The following POU2F1 variants were observed in gnomAD, a reference collection of about 807,000 sequenced individuals.
The protein encoded by POU2F1 is POU class 2 homeobox 1, also known as POU domain, class 2, transcription factor 1.
Under a neutral mutation model 84.9 loss-of-function variants are expected in POU2F1, and 16 were observed. The observed-to-expected ratio is 0.19, with a 90% CI of 0.13 to 0.29. The LOEUF is 0.29. Ranked by LOEUF, POU2F1 falls within the 10% of genes least tolerant of loss-of-function variation. The pLI, the probability that POU2F1 is intolerant of heterozygous loss-of-function variation, is 1.00. For missense variants in POU2F1, 738 were observed against 942.6 expected, an observed-to-expected ratio of 0.78 and a Z score of 2.84; for synonymous variants, 368 against 368.3, an observed-to-expected ratio of 1.00 and a Z score of 0.01.
chr1:167,329,014 A>G, intron 1 of POU2F1: 1 of 1,087,894 alleles, frequency 9.2e-7, no homozygotes, highest in South Asian at 3.5e-5. Flanking sequence ...TTGCCTTGAC[A>G]ATGTCAGTCC....
rs1471276545 is a variant in POU2F1, at chr1:167,422,661, T to G, written c.*6851T>G. The G allele has an allele frequency of 3.9e-5, 6 of 152,180 alleles. No homozygotes were observed. The highest frequency in any genetic ancestry group is 5.9e-5 in the Non-Finnish European group (4 of 68,026). 9.4% of individuals were successfully genotyped at this position (152,180 alleles called of 1,614,324 possible). On this transcript the variant is annotated 3_prime_UTR_variant, in exon 16 of 16. Coordinates refer to ENST00000367866, the MANE Select transcript of POU2F1 (RefSeq NM_002697.4). Reference sequence around the variant, plus strand: ...TCTGGGACAAACTTTCTTGGCTCCCTGAGTTCGGATATAGACTGTATCTCT... The same window carrying G: ...TCTGGGACAAACTTTCTTGGCTCCCGGAGTTCGGATATAGACTGTATCTCT...
intron 1 of POU2F1, among the ~76,000 whole-genome samples, chr1:167,331,155 A>G (rs1657058663): frequency 6.6e-6 from 1 of 152,120 alleles, no homozygotes. Flanking sequence ...TTTGAACATT[A>G]GAAGACCAAA....
intron 2 of POU2F1, among the ~76,000 whole-genome samples, chr1:167,343,763 T>C (rs1000150471): frequency 6.9e-6 from 1 of 145,556 alleles, no homozygotes; most frequent in African/African-American, 2.5e-5. Context: ...TAGCATTCTC[T>C]GAGTAGGAAC....
intron 1 of POU2F1, among the ~76,000 whole-genome samples, chr1:167,227,369 T>A (rs1346744617): frequency 6.6e-6 from 1 of 152,182 alleles, no homozygotes; most frequent in Non-Finnish European, 1.5e-5. Context: ...TCTGTTGAAC[T>A]TTCTCTTTGC....
intron 2 of POU2F1, among the ~76,000 whole-genome samples, chr1:167,356,852 A>G (rs998556126): frequency 4.6e-5 from 7 of 152,126 alleles, no homozygotes; most frequent in African/African-American, 1.7e-4. Flanking sequence ...GGCTGCCCAC[A>G]TGTGTAGTGC....
intron 1 of POU2F1, among the ~76,000 whole-genome samples, chr1:167,266,697 C>G (rs1316595535): frequency 2.0e-5 from 3 of 148,728 alleles, no homozygotes; most frequent in East Asian, 4.0e-4. Context: ...GATCTTGGCT[C>G]ACTGCAATCT....
chr1:167,260,702 T>A (rs1395481006), intron 1 of POU2F1, among the ~76,000 whole-genome samples: 2 of 152,194 alleles, frequency 1.3e-5, no homozygotes, highest in Non-Finnish European at 2.9e-5. Flanking sequence ...GCTAATTTCC[T>A]GTATAGGAAA....
intron 7 of POU2F1, among the ~76,000 whole-genome samples, chr1:167,378,843 C>T (rs557830944): frequency 3.3e-5 from 5 of 152,118 alleles, no homozygotes; most frequent in East Asian, 3.9e-4. Flanking sequence ...ACCTCTGCCT[C>T]GCGAGTTCAA....
intron 1 of POU2F1, among the ~76,000 whole-genome samples, chr1:167,266,899 G>A (rs1375618878): frequency 6.6e-6 from 1 of 152,010 alleles, no homozygotes; most frequent in Non-Finnish European, 1.5e-5. Context: ...TGGGATTACC[G>A]GCGTGAGACA....
At chr1:167,314,566 C>T (rs1224076983) in intron 1 of POU2F1, among the ~76,000 whole-genome samples, 4 of 152,152 alleles carry the variant, frequency 2.6e-5, no homozygotes, top group Non-Finnish European at 4.4e-5. Context: ...GGCTTGAGCC[C>T]AGGAGATCCA....
intron 2 of POU2F1, among the ~76,000 whole-genome samples, chr1:167,356,738 A>G (rs1658961959): frequency 6.6e-6 from 1 of 152,192 alleles, no homozygotes; most frequent in African/African-American, 2.4e-5. Context: ...AGGAAAGTAC[A>G]CTTAGAAGAG....
At chr1:167,306,878 G>T (rs1655104232) in intron 1 of POU2F1, among the ~76,000 whole-genome samples, 1 of 152,114 alleles carries the variant, frequency 6.6e-6, no homozygotes, top group Non-Finnish European at 1.5e-5. Context: ...GTATTTACAG[G>T]TATAAAGGGT....
intron 1 of POU2F1, among the ~76,000 whole-genome samples, chr1:167,298,461 T>G (rs1654437936): frequency 6.6e-6 from 1 of 152,130 alleles, no homozygotes; most frequent in South Asian, 2.1e-4. Flanking sequence ...TTTTTTCTGT[T>G]TCCTGCTCTG....
At chr1:167,408,541 G>T (rs1014691300) in intron 13 of POU2F1, among the ~76,000 whole-genome samples, 1 of 152,166 alleles carries the variant, frequency 6.6e-6, no homozygotes, top group African/African-American at 2.4e-5. Context: ...AATTAATGAG[G>T]TGTTGATTCG....
At chr1:167,251,068 A>G (rs1345164588) in intron 1 of POU2F1, among the ~76,000 whole-genome samples, 1 of 152,224 alleles carries the variant, frequency 6.6e-6, no homozygotes, top group African/African-American at 2.4e-5. Flanking sequence ...TTATAAGAAC[A>G]TCTCATATGA....
chr1:167,312,211 C>T (rs1352629619), intron 1 of POU2F1, among the ~76,000 whole-genome samples: 6 of 151,128 alleles, frequency 4.0e-5, no homozygotes, highest in Non-Finnish European at 7.4e-5. Flanking sequence ...GCTGGGATTA[C>T]AGGCGTGAGC....
intron 1 of POU2F1, among the ~76,000 whole-genome samples, chr1:167,249,537 G>C (rs1160073641): frequency 6.6e-6 from 1 of 152,194 alleles, no homozygotes; most frequent in Non-Finnish European, 1.5e-5. Flanking sequence ...GGGAGCAAGG[G>C]AGTGGAAAGT....
At chr1:167,394,083 A>G (rs1314728247) in intron 9 of POU2F1, among the ~76,000 whole-genome samples, 1 of 151,876 alleles carries the variant, frequency 6.6e-6, no homozygotes, top group Non-Finnish European at 1.5e-5. Flanking sequence ...CAGTGGCATG[A>G]TCTCGGCTCA....
In POU2F1 at chr1:167,421,557, C is replaced by A. The variant is rs1650652214; in HGVS notation, c.*5747C>A. The A allele has an allele frequency of 6.6e-6, 1 of 152,032 alleles. No individual in the cohort carries two copies. The allele number at this position is 152,032 out of a possible 1,614,324, so 9.4% of individuals were successfully genotyped here. On this transcript the variant is annotated 3_prime_UTR_variant, in exon 16 of 16. Coordinates refer to ENST00000367866, the MANE Select transcript of POU2F1 (RefSeq NM_002697.4). ...TCATTAAGTAGTTCCTTGTTTTGGC[C>A]CTTCTACTCTTGGCCTTAGCTAAAA...
Sources: gnomAD v4.1 joint callset for allele counts (sites outside exome capture counted in the v4.1 genomes callset) on GRCh38, gnomAD v4.1.1 for gene constraint, MANE v1.5 for transcripts, NCBI Gene and HGNC (gene_info 2026-07-23, HGNC 2026-07-21) for gene names.